Variants in PTPRD observed in about 807,000 individuals in gnomAD.
PTPRD encodes the protein protein tyrosine phosphatase receptor type D.
In PTPRD, 34 loss-of-function variants were observed where a neutral mutation model predicts 214.5. That is an observed-to-expected ratio of 0.16 (90% confidence interval 0.12 to 0.21). The LOEUF is 0.21. PTPRD is among the 10% of genes least tolerant of loss of function. The pLI is 1.00. For synonymous variants in PTPRD, 1,128 were observed against 845.7 expected (o/e 1.33, Z -5.79); for missense variants, 2,545 against 2,398.7 (o/e 1.06, Z -1.27).
chr9:9,792,531 G>C (rs187159277), intron 5 of PTPRD, among the ~76,000 whole-genome samples: 14 of 152,126 alleles, frequency 9.2e-5, no homozygotes, highest in African/African-American at 3.4e-4. Context: ...AGTAGCCCTG[G>C]AGGAAAAAAT....
intron 2 of PTPRD, among the ~76,000 whole-genome samples, chr9:10,484,256 G>A (rs555509804): frequency 2.6e-4 from 40 of 152,206 alleles, no homozygotes; most frequent in African/African-American, 8.4e-4. Flanking sequence ...GGTACACGAG[G>A]TCAGACAGAG....
At chr9:9,488,511 A>G (rs1189297717) in intron 8 of PTPRD, among the ~76,000 whole-genome samples, 1 of 152,178 alleles carries the variant, frequency 6.6e-6, no homozygotes, top group Non-Finnish European at 1.5e-5. Flanking sequence ...TCAGAGGGCA[A>G]TGAAGTCCTC....
At chr9:10,509,466 G>GCTCCATCTATCT (rs2047195131) in intron 2 of PTPRD, among the ~76,000 whole-genome samples, 1 of 45,208 alleles carries the variant, frequency 2.2e-5, no homozygotes, top group East Asian at 4.9e-4. Flanking sequence ...CCTTTTGATT[G>GCTCCATCTATCT]ATCCATCTAT....
intron 34 of PTPRD, among the ~76,000 whole-genome samples, chr9:8,438,525 G>A (rs550915118): frequency 2.1e-4 from 32 of 152,236 alleles, no homozygotes; most frequent in African/African-American, 7.0e-4. Flanking sequence ...GGAAGTGTGA[G>A]GGTGACAGTG....
chr9:9,355,509 A>C (rs1245178196), intron 9 of PTPRD, among the ~76,000 whole-genome samples: 1 of 151,708 alleles, frequency 6.6e-6, no homozygotes, highest in Non-Finnish European at 1.5e-5. Context: ...TTTTGGTATA[A>C]GTGACTGAAC....
intron 2 of PTPRD, among the ~76,000 whole-genome samples, chr9:10,585,985 C>T (rs2073763532): frequency 6.6e-6 from 1 of 151,824 alleles, no homozygotes; most frequent in African/African-American, 2.4e-5. Context: ...AGTAATACAG[C>T]GTGAGTACAA....
intron 6 of PTPRD, among the ~76,000 whole-genome samples, chr9:9,758,728 C>T (rs1321648551): frequency 1.3e-5 from 2 of 151,950 alleles, no homozygotes; most frequent in Non-Finnish European, 2.9e-5. Flanking sequence ...TTACCATTCC[C>T]TCATCGCCAC....
intron 36 of PTPRD, among the ~76,000 whole-genome samples, chr9:8,393,867 T>A (rs2090339055): frequency 6.6e-6 from 1 of 152,170 alleles, no homozygotes; most frequent in African/African-American, 2.4e-5. Context: ...TGTTCTTTCT[T>A]GTGGCATTTA....
intron 9 of PTPRD, among the ~76,000 whole-genome samples, chr9:9,277,370 C>A (rs892656246): frequency 6.6e-6 from 1 of 151,206 alleles, no homozygotes; most frequent in Non-Finnish European, 1.5e-5. Context: ...ATTGATAGAG[C>A]TGCAAAAGTA....
intron 6 of PTPRD, among the ~76,000 whole-genome samples, chr9:9,738,215 C>A (rs886072601): frequency 6.6e-6 from 1 of 152,052 alleles, no homozygotes; most frequent in Admixed American, 6.6e-5. Flanking sequence ...AACAAACCTG[C>A]ACGTTGTGCA....
chr9:8,524,676 C>G, intron 18 of PTPRD: 1 of 576,950 alleles, frequency 1.7e-6, no homozygotes, highest in East Asian at 3.1e-5. Context: ...AAAATAGAAA[C>G]CAAGATGTAA....
intron 3 of PTPRD, among the ~76,000 whole-genome samples, chr9:10,214,763 T>C (rs2099533686): frequency 6.6e-6 from 1 of 152,140 alleles, no homozygotes; most frequent in Admixed American, 6.6e-5. Flanking sequence ...AAAGATTTTC[T>C]CCATTATCCT....
intron 7 of PTPRD, among the ~76,000 whole-genome samples, chr9:9,631,897 A>G (rs543746470): frequency 6.6e-6 from 1 of 152,320 alleles, no homozygotes; most frequent in South Asian, 2.1e-4. Flanking sequence ...AAATCATTAC[A>G]TGTCAATAAA....
At chr9:9,599,559 T>C (rs2093606720) in intron 7 of PTPRD, among the ~76,000 whole-genome samples, 2 of 152,230 alleles carry the variant, frequency 1.3e-5, no homozygotes, top group South Asian at 2.1e-4. Flanking sequence ...ATTCTTCAGG[T>C]ATCTTAATTT....
In PTPRD at chr9:9,660,589, G is replaced by A. The variant is rs570442499; in HGVS notation, c.-287+73944C>T. Among the ~76,000 whole-genome samples, 386 of 152,092 alleles carry A rather than the reference G, an allele frequency of 2.5e-3. 2 individuals are homozygous for A. Among genetic ancestry groups the A allele is most frequent in the African/African-American group, 8.7e-3 (362 of 41,532 alleles). On this transcript the variant is annotated intron_variant, in intron 7 of 45. Coordinates refer to ENST00000381196, the MANE Select transcript of PTPRD (RefSeq NM_002839.4). ...AGTTATTTGTGTTCAGAAACTGAGA[G>A]TTGCCCTAATATGATTATTAAGTAG...
chr9:8,846,122 T>C (rs146117942), intron 11 of PTPRD, among the ~76,000 whole-genome samples: 1 of 152,220 alleles, frequency 6.6e-6, no homozygotes, highest in Non-Finnish European at 1.5e-5. Flanking sequence ...CTACTGAGAT[T>C]TGGCTTTGTC....
At chr9:9,539,960 C>T (rs144238196) in intron 8 of PTPRD, among the ~76,000 whole-genome samples, 2,510 of 151,870 alleles carry the variant, frequency 0.017, 40 homozygotes, top group Admixed American at 0.026. Context: ...ATAGAAATTA[C>T]CCTACACGGA....
At chr9:9,667,950 T>C (rs1237275744) in intron 7 of PTPRD, among the ~76,000 whole-genome samples, 1 of 152,096 alleles carries the variant, frequency 6.6e-6, no homozygotes, top group Non-Finnish European at 1.5e-5. Flanking sequence ...AATAAAGACT[T>C]ATGAGCTGCA....
At chr9:9,809,143 G>A (rs2153535054) in intron 5 of PTPRD, among the ~76,000 whole-genome samples, 1 of 151,810 alleles carries the variant, frequency 6.6e-6, no homozygotes, top group East Asian at 1.9e-4. Flanking sequence ...CATATTTGTG[G>A]GTCTCCCATG....
Sources: allele counts gnomAD v4.1 joint callset (sites outside exome capture counted in the v4.1 genomes callset), GRCh38; gene constraint gnomAD v4.1.1; transcripts MANE v1.5; gene names NCBI Gene and HGNC (gene_info 2026-07-23, HGNC 2026-07-21).